The following PXK variants were observed in gnomAD, a reference collection of about 807,000 sequenced individuals.
PXK encodes the protein PX domain containing serine/threonine kinase like, also known as PX domain-containing protein kinase-like protein.
PXK carries 35 observed loss-of-function variants against 84.7 expected under a neutral mutation model. The observed-to-expected ratio is 0.41, with a 90% CI of 0.32 to 0.55. The LOEUF (loss-of-function observed/expected upper bound fraction) is 0.55, where lower values mean the gene tolerates loss of function less well. Among genes scored for constraint, PXK ranks in the 20% least tolerant of loss-of-function variants. The pLI, the probability that PXK is intolerant of heterozygous loss-of-function variation, is 0.21. For synonymous variants in PXK, 253 were observed against 260.8 expected, an observed-to-expected ratio of 0.97 and a Z score of 0.29; for missense variants, 634 against 699.7, an observed-to-expected ratio of 0.91 and a Z score of 1.06.
At chr3:58,339,236 TTG>T (rs2097683993) in intron 1 of PXK, among the ~76,000 whole-genome samples, 1 of 149,152 alleles carries the variant, frequency 6.7e-6, no homozygotes, top group African/African-American at 2.6e-5. Context: ...TTGTTTTTTT[TTG>T]TTTTTTTTTT....
chr3:58,409,628 C>T lies in PXK; in HGVS notation c.1395+10C>T. On this transcript the variant is annotated intron_variant, in intron 15 of 17. Coordinates refer to ENST00000356151, the MANE Select transcript of PXK (RefSeq NM_017771.5). This position sits in a 1 kb window ranked among gnomAD's most constrained non-coding sequence, Gnocchi z 4.2. ...GATTTTAGCTCGAAAGGTAAGCCTGCTGTCTCTCTGCAGTCCCTCTATGAG... is the reference window on the plus strand; with the variant it reads ...GATTTTAGCTCGAAAGGTAAGCCTGTTGTCTCTCTGCAGTCCCTCTATGAG... 6.2e-7 allele frequency: 1 copy of T among 1,603,606 alleles called. No individual in the cohort carries two copies. Among genetic ancestry groups the T allele is most frequent in the Non-Finnish European group, 8.5e-7 (1 of 1,173,146 alleles).
rs950798272 is a variant in PXK at position 58,421,537 on chromosome 3, G to A, written c.1529-3215G>A. 2.2e-5 allele frequency: 21 copies of A among 942,908 alleles called. No individual in the cohort carries two copies. The highest frequency in any genetic ancestry group is 2.3e-4 in the East Asian group (2 of 8,576). The allele number at this position is 942,908 out of a possible 1,614,324, so 58.4% of individuals were successfully genotyped here. ...GGAGCTTGCAGTGAGCCGAGATCGC[G>A]CCACTGCACTCCAGCCTGGGCAACA... On this transcript the variant is annotated intron_variant, in intron 17 of 17. Transcript: ENST00000356151. This position sits in a 1 kb window ranked among gnomAD's most constrained non-coding sequence, Gnocchi z 5.5.
At chr3:58,348,055 G>A (rs751648732) in intron 1 of PXK, among the ~76,000 whole-genome samples, 7 of 152,090 alleles carry the variant, frequency 4.6e-5, no homozygotes, top group East Asian at 3.9e-4. Context: ...CTACAGGCGC[G>A]TGAGACCGTG....
Position 58,425,156 on chromosome 3 carries a change from C to T in PXK, c.*196C>T. 1 of 809,518 alleles carries T rather than the reference C, an allele frequency of 1.2e-6. No homozygotes were observed. The highest frequency in any genetic ancestry group is 1.9e-6 in the Non-Finnish European group (1 of 531,044). 50.1% of individuals were successfully genotyped at this position (809,518 alleles called of 1,614,324 possible). A position where few individuals can be genotyped will look rare whatever the true frequency, so the allele number is the denominator to read the frequency against. ...AGAATAAAGTTAGGCTGGCATTGCT[C>T]CCTTAAGATCTTGCTCCTTTATTAA... On this transcript the variant is annotated 3_prime_UTR_variant, in exon 18 of 18. Coordinates refer to ENST00000356151, the MANE Select transcript of PXK (RefSeq NM_017771.5).
intron 3 of PXK, among the ~76,000 whole-genome samples, chr3:58,376,649 T>A (rs1452327179): frequency 1.3e-5 from 2 of 152,028 alleles, no homozygotes; most frequent in Non-Finnish European, 2.9e-5. Context: ...TATTTATTTA[T>A]TTATTTTTGA....
chr3:58,391,432 A>G (rs11915480), intron 6 of PXK, among the ~76,000 whole-genome samples: 44,560 of 152,016 alleles, frequency 0.29, 7,315 homozygotes, highest in Middle Eastern at 0.39. Context: ...TAAACATTTG[A>G]AAAGAAACAA....
Position 58,397,022 on chromosome 3 carries a change from C to T in PXK, c.823-17C>T, listed in dbSNP as rs766510509. On this transcript the variant is annotated splice_polypyrimidine_tract_variant and intron_variant, in intron 9 of 17. Transcript: ENST00000356151. The surrounding 1 kb of genome is among the most constrained non-coding windows in gnomAD (Gnocchi z 4.7). ...ATGAGTTTGGGGAAAATGTAACTTT[C>T]CCATATGTTTTGATAGGTACTGAAG... 6.3e-7 allele frequency: 1 copy of T among 1,592,636 alleles called. No homozygotes were observed. The highest frequency in any genetic ancestry group is 1.7e-5 in the Admixed American group (1 of 58,168).
intron 17 of PXK, chr3:58,422,405 CTGCTCCAGCCTGCT>C: frequency 1.0e-6 from 1 of 985,456 alleles, no homozygotes; most frequent in African/African-American, 1.7e-5. Context: ...CCCCACCGGA[CTGCTCCAGCCTGCT>C]GAGGCCACAT....
intron 1 of PXK, among the ~76,000 whole-genome samples, chr3:58,349,391 T>G (rs1417893701): frequency 6.8e-6 from 1 of 148,056 alleles, no homozygotes; most frequent in African/African-American, 2.5e-5. Context: ...AGTCTCACTC[T>G]GTCGCCCAGG....
Position 58,411,538 on chromosome 3 carries a change from C to T in PXK, c.1466-1363C>T, listed in dbSNP as rs1263682043. 6.6e-6 allele frequency among the ~76,000 whole-genome samples: 1 copy of T among 152,106 alleles called. No individual in the cohort carries two copies. Among genetic ancestry groups the T allele is most frequent in the Non-Finnish European group, 1.5e-5 (1 of 68,038 alleles). ...TCATGGTCATTATTATACTGAGACTCATGATTCCAACCAGCAGTCATTCTG... is the reference window on the plus strand; with the variant it reads ...TCATGGTCATTATTATACTGAGACTTATGATTCCAACCAGCAGTCATTCTG... On this transcript the variant is annotated intron_variant, in intron 16 of 17. Coordinates refer to ENST00000356151, the MANE Select transcript of PXK (RefSeq NM_017771.5). This position sits in a 1 kb window ranked among gnomAD's most constrained non-coding sequence, Gnocchi z 4.2.
intron 1 of PXK, among the ~76,000 whole-genome samples, chr3:58,365,211 A>G (rs1296743675): frequency 1.3e-5 from 2 of 151,782 alleles, no homozygotes; most frequent in African/African-American, 4.8e-5. Context: ...GATATGCTGT[A>G]TTTTCTTTCA....
intron 1 of PXK, among the ~76,000 whole-genome samples, chr3:58,338,156 G>C (rs71311861): frequency 2.0e-5 from 3 of 151,564 alleles, no homozygotes; most frequent in Admixed American, 2.0e-4. Flanking sequence ...AGCCTGACCA[G>C]CATGGTAAAA....
intron 17 of PXK, chr3:58,422,427 C>T: frequency 2.0e-6 from 2 of 985,434 alleles, no homozygotes; most frequent in African/African-American, 1.7e-5. Context: ...GCTGAGGCCA[C>T]ATCAGGGAGA....
At chr3:58,357,981 A>C (rs1374341558) in intron 1 of PXK, among the ~76,000 whole-genome samples, 1 of 152,156 alleles carries the variant, frequency 6.6e-6, no homozygotes, top group African/African-American at 2.4e-5. Context: ...AAAAAACAAA[A>C]AAACAAAAAA....
At chr3:58,405,606 G>A (rs1189897111) in intron 13 of PXK, among the ~76,000 whole-genome samples, 1 of 151,734 alleles carries the variant, frequency 6.6e-6, no homozygotes, top group East Asian at 2.0e-4. Flanking sequence ...TTAGACCTGG[G>A]AGGCAGAGGT....
At chr3:58,377,820 G>C (rs887004473) in intron 3 of PXK, among the ~76,000 whole-genome samples, 1 of 152,188 alleles carries the variant, frequency 6.6e-6, no homozygotes, top group African/African-American at 2.4e-5. Context: ...AATCCAGTGG[G>C]TGAGAGCTAA....
At chr3:58,423,981 A>G (rs1342739084) in intron 17 of PXK, among the ~76,000 whole-genome samples, 1 of 152,194 alleles carries the variant, frequency 6.6e-6, no homozygotes, top group Non-Finnish European at 1.5e-5. Context: ...ATGCTTCGTC[A>G]AAGACATTTA....
At chr3:58,342,689 A>G (rs888913463) in intron 1 of PXK, among the ~76,000 whole-genome samples, 2 of 151,942 alleles carry the variant, frequency 1.3e-5, no homozygotes, top group Non-Finnish European at 2.9e-5. Flanking sequence ...TTAAAACTGT[A>G]AACTTGGAGT....
rs1421112149 is a variant in PXK, at chr3:58,412,874, T to C, written c.1466-27T>C. 6 of 1,613,392 alleles carry C rather than the reference T, an allele frequency of 3.7e-6. No individual in the cohort carries two copies. The highest frequency in any genetic ancestry group is 5.1e-6 in the Non-Finnish European group (6 of 1,179,438). On this transcript the variant is annotated intron_variant, in intron 16 of 17. Coordinates refer to ENST00000356151, the MANE Select transcript of PXK (RefSeq NM_017771.5). The surrounding 1 kb of genome is among the most constrained non-coding windows in gnomAD (Gnocchi z 6.2). Reference sequence around the variant, plus strand: ...TCCAAATGTCTTTCGTTGGTCCCCATGAGGGTTTCTCTGTGTTTTATCTTA... The same window carrying C: ...TCCAAATGTCTTTCGTTGGTCCCCACGAGGGTTTCTCTGTGTTTTATCTTA...
Sources: allele counts gnomAD v4.1 joint callset (sites outside exome capture counted in the v4.1 genomes callset), GRCh38; gene constraint gnomAD v4.1.1; non-coding constraint Gnocchi (gnomAD v3.1); transcripts MANE v1.5; gene names NCBI Gene and HGNC (gene_info 2026-07-23, HGNC 2026-07-21).